Variants in RARB observed in about 807,000 individuals in gnomAD.
The protein encoded by RARB is HBV-activated protein.
A neutral mutation model predicts 51.9 loss-of-function variants in RARB; 17 were observed. That is an observed-to-expected ratio of 0.33 (90% CI 0.22 to 0.49). RARB has a LOEUF of 0.49. RARB is among the 20% of genes least tolerant of loss of function. The pLI is 0.99. For missense variants in RARB, 369 were observed against 550.8 expected, an observed-to-expected ratio of 0.67 and a Z score of 3.30; for synonymous variants, 215 against 195.4, an observed-to-expected ratio of 1.10 and a Z score of -0.84.
chr3:25,349,009 C>G (rs996524805), intron 5 of RARB, among the ~76,000 whole-genome samples: 1 of 152,178 alleles, frequency 6.6e-6, no homozygotes, highest in Admixed American at 6.5e-5. Context: ...TAATACAAAT[C>G]TCGTTAGGAT....
intron 2 of RARB, among the ~76,000 whole-genome samples, chr3:24,961,624 G>C (rs956550253): frequency 2.6e-5 from 4 of 152,110 alleles, no homozygotes; most frequent in Non-Finnish European, 5.9e-5. Flanking sequence ...ACTGTGGGGA[G>C]GGAGGGCGGG....
At chr3:25,447,395 C>G (rs1027872112) in intron 1 of RARB, among the ~76,000 whole-genome samples, 7 of 152,138 alleles carry the variant, frequency 4.6e-5, no homozygotes, top group Non-Finnish European at 1.5e-5. Flanking sequence ...CCATGTTTGC[C>G]TTGTGGCATT....
chr3:25,464,634 G>A (rs896892549), intron 2 of RARB, among the ~76,000 whole-genome samples: 8 of 151,572 alleles, frequency 5.3e-5, no homozygotes, highest in Non-Finnish European at 1.2e-4. Context: ...AAATACAACA[G>A]CCAAAGAAAA....
At chr3:25,413,816 A>G (rs186868095) in intron 5 of RARB, among the ~76,000 whole-genome samples, 2 of 152,268 alleles carry the variant, frequency 1.3e-5, no homozygotes, top group East Asian at 3.9e-4. Context: ...CATGGTCTGC[A>G]TTTATTCTCA....
At chr3:25,374,335 G>T (rs1706392731) in intron 5 of RARB, among the ~76,000 whole-genome samples, 1 of 152,166 alleles carries the variant, frequency 6.6e-6, no homozygotes. Flanking sequence ...TTTACATGGG[G>T]TAAGTTCCCA....
chr3:24,977,872 A>C lies in RARB; in HGVS notation c.-379-82253A>C, dbSNP rs1193719898. 2.6e-5 allele frequency among the ~76,000 whole-genome samples: 4 copies of C among 152,198 alleles called. No homozygotes were observed. The East Asian group carries it at 5.8e-4, about 22-fold the overall frequency. ...TGCTTCCAGTTTTTGCTCATTCAGT[A>C]TGATATTGGCTGTGGGTTTGTCATA... On this transcript the variant is annotated intron_variant, in intron 2 of 11. Transcript: ENST00000383772.
chr3:25,513,809 G>A (rs1698025683), intron 3 of RARB, among the ~76,000 whole-genome samples: 1 of 152,016 alleles, frequency 6.6e-6, no homozygotes, highest in Non-Finnish European at 1.5e-5. Flanking sequence ...TCAGAAAGGG[G>A]GAGAGGAAGG....
intron 2 of RARB, among the ~76,000 whole-genome samples, chr3:24,901,579 T>C (rs1703607065): frequency 6.6e-6 from 1 of 152,212 alleles, no homozygotes; most frequent in Non-Finnish European, 1.5e-5. Flanking sequence ...TATATCATTA[T>C]CAAAGCCTTT....
chr3:25,588,940 A>G (rs368532193), intron 5 of RARB, among the ~76,000 whole-genome samples: 7 of 152,208 alleles, frequency 4.6e-5, no homozygotes, highest in African/African-American at 1.7e-4. Context: ...ACCATATTCT[A>G]TTTGTTAAAA....
intron 5 of RARB, among the ~76,000 whole-genome samples, chr3:25,586,377 A>G (rs2125315030): frequency 6.6e-6 from 1 of 152,300 alleles, no homozygotes; most frequent in East Asian, 1.9e-4. Context: ...TGAGAGTAGG[A>G]ACCATCTTAG....
intron 3 of RARB, among the ~76,000 whole-genome samples, chr3:25,543,612 T>TG (rs111229109): frequency 0.094 from 14,229 of 152,114 alleles, 890 homozygotes; most frequent in African/African-American, 0.16. Flanking sequence ...TGTGGCCATT[T>TG]GGGGAACTAT....
chr3:25,592,671 G>T (rs1352581130), intron 5 of RARB, among the ~76,000 whole-genome samples: 1 of 152,216 alleles, frequency 6.6e-6, no homozygotes, highest in African/African-American at 2.4e-5. Flanking sequence ...GGCCAACAGG[G>T]TTATGTGTCA....
chr3:25,428,792 G>C lies in RARB; in HGVS notation c.61G>C (p.Ala21Pro). The C allele has an allele frequency of 6.2e-7, 1 of 1,614,170 alleles. No homozygotes were observed. Among genetic ancestry groups the C allele is most frequent in the Non-Finnish European group, 8.5e-7 (1 of 1,180,036 alleles). The change falls in exon 1 of 8, where the codon GCG becomes CCG. Residue 21 changes from alanine to proline, a missense_variant. Ala to Pro is a conservative substitution (Grantham distance 27, BLOSUM62 -1). Transcript: ENST00000330688. ...SPGQILDFYT[A>P]SPSSCMLQEK... Reference sequence around the variant, plus strand: ...TGGGCAAATCCTGGATTTCTACACTGCGAGTCCGTCTTCCTGCATGCTCCA... The same window carrying C: ...TGGGCAAATCCTGGATTTCTACACTCCGAGTCCGTCTTCCTGCATGCTCCA...
intron 2 of RARB, among the ~76,000 whole-genome samples, chr3:25,016,580 A>C (rs1323693994): frequency 6.6e-6 from 1 of 152,224 alleles, no homozygotes; most frequent in African/African-American, 2.4e-5. Context: ...TTTGCAGTTT[A>C]GAAGAAAGTA....
intron 5 of RARB, among the ~76,000 whole-genome samples, chr3:25,404,499 C>T (rs1707351965): frequency 6.6e-6 from 1 of 152,114 alleles, no homozygotes; most frequent in East Asian, 1.9e-4. Flanking sequence ...GGATGTGATT[C>T]TAGGGAATAA....
intron 2 of RARB, among the ~76,000 whole-genome samples, chr3:25,463,414 C>T (rs1187320081): frequency 6.6e-6 from 1 of 152,008 alleles, no homozygotes; most frequent in Admixed American, 6.5e-5. Context: ...CCTGTAATCC[C>T]AGCACTTTGG....
intron 5 of RARB, among the ~76,000 whole-genome samples, chr3:25,342,010 A>G (rs573907373): frequency 2.0e-5 from 3 of 152,356 alleles, no homozygotes; most frequent in South Asian, 4.1e-4. Context: ...AAATGTATGT[A>G]TCTTGTTCCC....
intron 3 of RARB, among the ~76,000 whole-genome samples, chr3:25,068,392 A>G (rs1425852267): frequency 2.6e-5 from 4 of 152,052 alleles, no homozygotes; most frequent in African/African-American, 9.7e-5. Context: ...TACTTCTCCC[A>G]TGACAAGATA....
chr3:25,293,294 T>C (rs1703833736), intron 5 of RARB, among the ~76,000 whole-genome samples: 1 of 152,140 alleles, frequency 6.6e-6, no homozygotes, highest in African/African-American at 2.4e-5. Context: ...TGAGCACCTA[T>C]CTGTACTCAG....
Sources: gnomAD v4.1 joint callset for allele counts (sites outside exome capture counted in the v4.1 genomes callset) on GRCh38, gnomAD v4.1.1 for gene constraint, MANE v1.5 for transcripts, NCBI Gene and HGNC (gene_info 2026-07-23, HGNC 2026-07-21) for gene names.